The following CDH11 variants were observed in gnomAD, a reference collection of about 807,000 sequenced individuals.
CDH11 encodes the protein cadherin 11.
Under a neutral mutation model 67.8 loss-of-function variants are expected in CDH11, and 11 were observed. The observed-to-expected ratio is 0.16, with a 90% CI of 0.10 to 0.27. CDH11 has a LOEUF of 0.27. Among genes scored for constraint, CDH11 ranks in the 10% least tolerant of loss-of-function variants. The probability of loss-of-function intolerance (pLI) is 1.00; values close to 1 mark genes in which losing one functional copy is unlikely to be tolerated. For synonymous variants in CDH11, 419 were observed against 400.0 expected (o/e 1.05, Z -0.57); for missense variants, 847 against 1,031.2 (o/e 0.82, Z 2.45).
chr16:65,008,291 T>C (rs1043805053), intron 2 of CDH11, among the ~76,000 whole-genome samples: 1 of 152,230 alleles, frequency 6.6e-6, no homozygotes, highest in Non-Finnish European at 1.5e-5. Flanking sequence ...GGTGAAATTA[T>C]CTCTTTTCTT....
intron 11 of CDH11, among the ~76,000 whole-genome samples, chr16:64,964,042 A>C (rs1034823532): frequency 6.6e-6 from 1 of 152,224 alleles, no homozygotes; most frequent in Non-Finnish European, 1.5e-5. Flanking sequence ...TAAGTGATGA[A>C]GAAACAGACA....
In CDH11 at chr16:64,951,967, GA is replaced by G. The variant is rs572072180; in HGVS notation, c.1643-950del. On this transcript the variant is annotated intron_variant, in intron 11 of 12. Coordinates refer to ENST00000268603, the MANE Select transcript of CDH11 (RefSeq NM_001797.4). ...GCGCACCTCTGCCAGCATGGTGGAG[GA>G]TCAGATATTATTTCCCTAACCTAGA... Among the ~76,000 whole-genome samples the G allele has an allele frequency of 3.7e-3, 561 of 152,118 alleles. 4 individuals carry two copies. Among genetic ancestry groups the G allele is most frequent in the African/African-American group, 0.013 (533 of 41,498 alleles).
At chr16:65,044,555 G>A (rs1283643425) in intron 2 of CDH11, among the ~76,000 whole-genome samples, 1 of 151,992 alleles carries the variant, frequency 6.6e-6, no homozygotes, top group Admixed American at 6.6e-5. Flanking sequence ...CTATACAGAA[G>A]GAAAAAGGGA....
intron 11 of CDH11, among the ~76,000 whole-genome samples, chr16:64,966,360 G>A (rs1460784846): frequency 6.6e-6 from 1 of 151,776 alleles, no homozygotes; most frequent in Non-Finnish European, 1.5e-5. Flanking sequence ...AGTACTTGTA[G>A]GGCACCTGAA....
At chr16:64,967,120 C>T (rs1319330588) in intron 11 of CDH11, among the ~76,000 whole-genome samples, 1 of 152,274 alleles carries the variant, frequency 6.6e-6, no homozygotes, top group East Asian at 1.9e-4. Flanking sequence ...AAAACCTCAC[C>T]TGTTTTACCA....
intron 4 of CDH11, among the ~76,000 whole-genome samples, chr16:64,995,766 G>C (rs538184374): frequency 9.9e-5 from 15 of 152,240 alleles, no homozygotes; most frequent in African/African-American, 2.9e-4. Context: ...ACACTAAAGA[G>C]CTTCTGCACA....
intron 4 of CDH11, among the ~76,000 whole-genome samples, chr16:64,994,695 G>A (rs2072721007): frequency 6.6e-6 from 1 of 152,182 alleles, no homozygotes; most frequent in South Asian, 2.1e-4. Flanking sequence ...ACATAGTACT[G>A]GAAGTCCTAA....
chr16:65,049,984 C>T (rs1026497678), intron 2 of CDH11, among the ~76,000 whole-genome samples: 4 of 152,120 alleles, frequency 2.6e-5, no homozygotes, highest in African/African-American at 9.7e-5. Context: ...AGGTGAGCTG[C>T]CCCAGAAGCA....
At chr16:65,102,605 C>T (rs2075010881) in intron 1 of CDH11, among the ~76,000 whole-genome samples, 2 of 152,178 alleles carry the variant, frequency 1.3e-5, no homozygotes, top group Admixed American at 6.5e-5. Flanking sequence ...CGATTTTTGT[C>T]CTTTGGAAAC....
intron 1 of CDH11, among the ~76,000 whole-genome samples, chr16:65,101,333 G>A (rs1231689282): frequency 6.6e-6 from 1 of 152,144 alleles, no homozygotes; most frequent in Non-Finnish European, 1.5e-5. Flanking sequence ...TCTTCTCTGG[G>A]CATAGCCCTG....
chr16:64,945,461 G>C lies in CDH11; in HGVS notation c.*2142C>G. On this transcript the variant is annotated 3_prime_UTR_variant, in exon 13 of 13. Coordinates refer to ENST00000268603, the MANE Select transcript of CDH11 (RefSeq NM_001797.4). ...GAAAAGGATCATCCATGGTGACAGGGTTACTTACAGCTGTATACTTATTTA... is the reference window on the plus strand; with the variant it reads ...GAAAAGGATCATCCATGGTGACAGGCTTACTTACAGCTGTATACTTATTTA... The C allele has an allele frequency of 1.9e-6, 2 of 1,035,612 alleles. No homozygotes were observed. The highest frequency in any genetic ancestry group is 9.2e-5 in the South Asian group (2 of 21,728). 64.2% of individuals were successfully genotyped at this position (1,035,612 alleles called of 1,614,324 possible).
intron 3 of CDH11, 32 bp downstream of exon 3, chr16:65,004,610 G>T (rs2073005242): frequency 6.3e-7 from 1 of 1,589,060 alleles, no homozygotes; most frequent in Admixed American, 1.7e-5. Flanking sequence ...TGGTGGGTTG[G>T]AAAGCTCAGG....
intron 1 of CDH11, among the ~76,000 whole-genome samples, chr16:65,061,826 T>G (rs1377425572): frequency 3.9e-5 from 6 of 152,212 alleles, no homozygotes; most frequent in Non-Finnish European, 8.8e-5. Flanking sequence ...ATTGAGAATT[T>G]CCAATGGACC....
At chr16:64,989,321 T>G (rs2072571122) in intron 6 of CDH11, among the ~76,000 whole-genome samples, 1 of 151,912 alleles carries the variant, frequency 6.6e-6, no homozygotes, top group South Asian at 2.1e-4. Context: ...TGTGAGCTAT[T>G]TGTGAGTGAG....
intron 11 of CDH11, among the ~76,000 whole-genome samples, chr16:64,969,261 A>G (rs553138950): frequency 1.3e-5 from 2 of 152,354 alleles, no homozygotes; most frequent in Non-Finnish European, 2.9e-5. Flanking sequence ...GATTGCACAT[A>G]TAAAAAGAAA....
At chr16:65,052,324 A>G (rs1422300231) in intron 2 of CDH11, among the ~76,000 whole-genome samples, 1 of 152,218 alleles carries the variant, frequency 6.6e-6, no homozygotes, top group Non-Finnish European at 1.5e-5. Context: ...AGTCCAATGT[A>G]GAAATCACAG....
intron 2 of CDH11, among the ~76,000 whole-genome samples, chr16:65,011,132 CAT>C (rs2073176753): frequency 6.9e-6 from 1 of 143,964 alleles, no homozygotes. Flanking sequence ...CACACACACA[CAT>C]ATATCACTCA....
chr16:65,062,310 GC>G (rs1395690701), intron 1 of CDH11, among the ~76,000 whole-genome samples: 1 of 152,168 alleles, frequency 6.6e-6, no homozygotes, highest in Non-Finnish European at 1.5e-5. Flanking sequence ...CCGCTTATTT[GC>G]AAGTTTCTGG....
Position 64,946,620 on chromosome 16 carries a change from T to A in CDH11, c.*983A>T. Reference sequence around the variant, plus strand: ...TTACAGAATCTTGTCTGAAAAAACATTTGTAAAACATATTTGATTTTAAAT... The same window carrying A: ...TTACAGAATCTTGTCTGAAAAAACAATTGTAAAACATATTTGATTTTAAAT... On this transcript the variant is annotated 3_prime_UTR_variant, in exon 13 of 13. Coordinates refer to ENST00000268603, the MANE Select transcript of CDH11 (RefSeq NM_001797.4). 1 of 1,025,542 alleles carries A rather than the reference T, an allele frequency of 9.8e-7. No individual in the cohort carries two copies. The highest frequency in any genetic ancestry group is 1.2e-6 in the Non-Finnish European group (1 of 852,578). The allele number at this position is 1,025,542 out of a possible 1,614,324, so 63.5% of individuals were successfully genotyped here.
Sources: allele counts gnomAD v4.1 joint callset (sites outside exome capture counted in the v4.1 genomes callset), GRCh38; gene constraint gnomAD v4.1.1; transcripts MANE v1.5; gene names NCBI Gene and HGNC (gene_info 2026-07-23, HGNC 2026-07-21).